The following PRKN variants were observed in gnomAD, a reference collection of about 807,000 sequenced individuals.
The protein encoded by PRKN is E3 ubiquitin-protein ligase parkin.
A neutral mutation model predicts 59.5 loss-of-function variants in PRKN; 56 were observed. The ratio of observed to expected loss-of-function variants is 0.94; its 90% CI spans 0.76 to 1.18. The LOEUF is 1.18. PRKN is among the 50% of genes most tolerant of loss of function. The pLI is 0.00. For missense variants in PRKN, 657 were observed against 596.4 expected, an observed-to-expected ratio of 1.10 and a Z score of -1.06; for synonymous variants, 250 against 222.1, an observed-to-expected ratio of 1.13 and a Z score of -1.12.
intron 6 of PRKN, among the ~76,000 whole-genome samples, chr6:161,814,183 T>C (rs1465352883): frequency 1.3e-5 from 2 of 152,198 alleles, no homozygotes; most frequent in Non-Finnish European, 2.9e-5. Flanking sequence ...TCTACTCTTA[T>C]TCAAGCATTG....
chr6:162,235,954 A>AAAGGAAGG (rs1346798516), intron 3 of PRKN, among the ~76,000 whole-genome samples: 1 of 77,094 alleles, frequency 1.3e-5, no homozygotes, highest in Admixed American at 1.4e-4. Flanking sequence ...AGGAAGGAAG[A>AAAGGAAGG]AAGGAAGAAA....
chr6:162,433,191 T>TGTCA (rs1419310697), intron 2 of PRKN, among the ~76,000 whole-genome samples: 1 of 152,230 alleles, frequency 6.6e-6, no homozygotes, highest in Non-Finnish European at 1.5e-5. Context: ...TTTGCTTATG[T>TGTCA]GTCAGTCCTT....
intron 7 of PRKN, among the ~76,000 whole-genome samples, chr6:161,745,843 A>G (rs1227463093): frequency 2.6e-5 from 4 of 152,230 alleles, no homozygotes; most frequent in African/African-American, 9.6e-5. Flanking sequence ...TGATTGTTGC[A>G]GCCTGGTGTG....
intron 7 of PRKN, among the ~76,000 whole-genome samples, chr6:161,755,607 TATG>T (rs1349287724): frequency 6.6e-6 from 1 of 151,958 alleles, no homozygotes; most frequent in Non-Finnish European, 1.5e-5. Flanking sequence ...GAATTGAAAT[TATG>T]ATGATGATAA....
Position 162,075,964 on chromosome 6 carries a change from CTTTTTTTT to C in PRKN, c.535-21798_535-21791del, listed in dbSNP as rs201642343. 5.3e-3 allele frequency among the ~76,000 whole-genome samples: 701 copies of C among 132,924 alleles called. 9 individuals carry two copies. The highest frequency in any genetic ancestry group is 0.016 in the Middle Eastern group (4 of 256). The allele number at this position is 132,924 out of a possible 152,430, so 87.2% of individuals were successfully genotyped here. ...GTAGACATGAAAAAAGAAAGGCTTGCTTTTTTTTTTTTTTTTTTTTTTAAGACAGAGTC... is the reference window on the plus strand; with the variant it reads ...GTAGACATGAAAAAAGAAAGGCTTGCTTTTTTTTTTTTTTAAGACAGAGTC... On this transcript the variant is annotated intron_variant, in intron 4 of 11. Transcript: ENST00000366898.
chr6:161,832,686 G>A (rs1163578962), intron 6 of PRKN, among the ~76,000 whole-genome samples: 3 of 149,930 alleles, frequency 2.0e-5, no homozygotes, highest in Admixed American at 6.6e-5. Context: ...AATACAGGCC[G>A]ATCCCTAAGG....
chr6:161,407,357 G>A lies in PRKN; in HGVS notation c.1084-20480C>T, dbSNP rs12204337. On this transcript the variant is annotated intron_variant, in intron 9 of 11. Transcript: ENST00000366898. This position sits in a 1 kb window ranked among gnomAD's most constrained non-coding sequence, Gnocchi z 4.9. ...GCTGGGGAAGGGGGCAGCTGCACTCGGTGGGAGGCTCTGCACACTGGCACA... is the reference window on the plus strand; with the variant it reads ...GCTGGGGAAGGGGGCAGCTGCACTCAGTGGGAGGCTCTGCACACTGGCACA... Among the ~76,000 whole-genome samples, 4,843 of 152,064 alleles carry A rather than the reference G, an allele frequency of 0.032. 107 individuals carry two copies. The highest frequency in any genetic ancestry group is 0.049 in the Non-Finnish European group (3,363 of 67,988).
intron 9 of PRKN, among the ~76,000 whole-genome samples, chr6:161,509,891 AAAAAAAAAAAAAG>A (rs1262402012): frequency 6.7e-6 from 1 of 149,068 alleles, no homozygotes; most frequent in Non-Finnish European, 1.5e-5. Flanking sequence ...AAAAAAAAAA[AAAAAAAAAAAAAG>A]TTAAGCCACA....
At chr6:161,987,928 T>C (rs1022379592) in intron 5 of PRKN, among the ~76,000 whole-genome samples, 2 of 152,174 alleles carry the variant, frequency 1.3e-5, no homozygotes, top group Admixed American at 1.3e-4. Flanking sequence ...CTAAGAGGCA[T>C]ATGTAAAAAC....
chr6:162,462,055 G>A (rs752883668), intron 1 of PRKN, among the ~76,000 whole-genome samples: 2 of 152,098 alleles, frequency 1.3e-5, no homozygotes, highest in Non-Finnish European at 2.9e-5. Context: ...TAGGATGGAG[G>A]TATTTACAGT....
At chr6:161,432,292 C>T (rs1232488752) in intron 9 of PRKN, among the ~76,000 whole-genome samples, 1 of 152,064 alleles carries the variant, frequency 6.6e-6, no homozygotes, top group East Asian at 1.9e-4. Context: ...TTAGTGACCC[C>T]CAACAATATT....
chr6:162,660,990 G>A (rs1256120611), intron 1 of PRKN, among the ~76,000 whole-genome samples: 2 of 152,066 alleles, frequency 1.3e-5, no homozygotes, highest in African/African-American at 4.8e-5. Context: ...GGCCGGGTAC[G>A]GTGCCTCACA....
chr6:162,336,597 C>T (rs571919159), intron 2 of PRKN, among the ~76,000 whole-genome samples: 2 of 152,304 alleles, frequency 1.3e-5, no homozygotes, highest in East Asian at 1.9e-4. Flanking sequence ...CACACGATTT[C>T]GATTGATGAT....
chr6:162,567,699 T>C (rs1780141943), intron 1 of PRKN, among the ~76,000 whole-genome samples: 1 of 152,162 alleles, frequency 6.6e-6, no homozygotes, highest in South Asian at 2.1e-4. Context: ...CACAAAGCAA[T>C]CTACAGTTTC....
rs555827192 is a variant in PRKN, at chr6:161,529,813, C to T, written c.1083+19041G>A. Among the ~76,000 whole-genome samples the T allele has an allele frequency of 7.3e-4, 111 of 152,310 alleles. No individual in the cohort carries two copies. The highest frequency in any genetic ancestry group is 2.6e-3 in the African/African-American group (110 of 41,568). On this transcript the variant is annotated intron_variant, in intron 9 of 11. Coordinates refer to ENST00000366898, the MANE Select transcript of PRKN (RefSeq NM_004562.3). This position sits in a 1 kb window ranked among gnomAD's most constrained non-coding sequence, Gnocchi z 4.4. ...GTTACACATTCTTTCATATATTTCTCACATTTGAGAAGTGGAGATTTAATT... is the reference window on the plus strand; with the variant it reads ...GTTACACATTCTTTCATATATTTCTTACATTTGAGAAGTGGAGATTTAATT...
intron 9 of PRKN, among the ~76,000 whole-genome samples, chr6:161,439,979 C>T (rs1271928310): frequency 1.3e-5 from 2 of 148,766 alleles, no homozygotes; most frequent in Non-Finnish European, 3.0e-5. Context: ...TTGACGGAGT[C>T]TCACTCTGCC....
intron 7 of PRKN, among the ~76,000 whole-genome samples, chr6:161,643,113 T>G (rs1783801706): frequency 1.3e-5 from 2 of 152,352 alleles, no homozygotes; most frequent in South Asian, 4.1e-4. Context: ...AACAATAGTT[T>G]TCTAATAAGC....
chr6:161,406,770 C>G (rs1787296929), intron 9 of PRKN, among the ~76,000 whole-genome samples: 1 of 152,122 alleles, frequency 6.6e-6, no homozygotes, highest in Admixed American at 6.5e-5. Context: ...TTCTGTCAAT[C>G]AGTGATTCAC....
intron 5 of PRKN, among the ~76,000 whole-genome samples, chr6:161,996,660 G>A (rs965392723): frequency 3.3e-5 from 5 of 151,876 alleles, no homozygotes; most frequent in Admixed American, 6.6e-5. Flanking sequence ...TAATAGTTAC[G>A]TTAACATGTA....
Sources: gnomAD v4.1 joint callset for allele counts (sites outside exome capture counted in the v4.1 genomes callset) on GRCh38, gnomAD v4.1.1 for gene constraint, Gnocchi (gnomAD v3.1) non-coding constraint, MANE v1.5 for transcripts, NCBI Gene and HGNC (gene_info 2026-07-23, HGNC 2026-07-21) for gene names.